FAAH2: variants seen among roughly 807,000 people sequenced by gnomAD.
FAAH2 encodes the protein fatty-acid amide hydrolase 2.
FAAH2 carries 60 observed loss-of-function variants against 36.9 expected under a neutral mutation model. That is an observed-to-expected ratio of 1.63 (90% CI 1.32 to 2.02). The LOEUF (loss-of-function observed/expected upper bound fraction) is 2.02, where lower values mean the gene tolerates loss of function less well. Among genes scored for constraint, FAAH2 ranks in the 30% most tolerant of loss-of-function variants. FAAH2 has a pLI of 0.00. For synonymous variants in FAAH2, 214 were observed against 143.8 expected (o/e 1.49, Z -3.49); for missense variants, 689 against 397.5 (o/e 1.73, Z -6.23).
At chrX:57,403,581 CT>C (rs775431216) in intron 7 of FAAH2, among the ~76,000 whole-genome samples, 1 of 112,771 alleles carries the variant, frequency 8.9e-6, no homozygotes, top group East Asian at 2.8e-4. Context: ...TGTGGGTAAC[CT>C]TTTGAGTCAG....
chrX:57,260,423 C>G, the FAAH2 span, among the ~76,000 whole-genome samples: 1 of 111,933 alleles, frequency 8.9e-6, no homozygotes, highest in Non-Finnish European at 1.9e-5. Context: ...TTAACTTGAA[C>G]TGAGTTATTG....
chrX:57,464,164 C>A lies in FAAH2; in HGVS notation c.1423+15446C>A, dbSNP rs55724040. 2.7e-5 allele frequency among the ~76,000 whole-genome samples: 3 copies of A among 111,679 alleles called. No homozygotes were observed. The Admixed American group carries it at 2.9e-4, about 11-fold the overall frequency. On this transcript the variant is annotated intron_variant, in intron 10 of 10. Transcript: ENST00000374900. Reference sequence around the variant, plus strand: ...AGCCAACTAACACAGGAACAGAAAACCAAACACTGCATGTTTTTACTCAAA... The same window carrying A: ...AGCCAACTAACACAGGAACAGAAAAACAAACACTGCATGTTTTTACTCAAA...
At chrX:57,123,825 C>T in the FAAH2 span, among the ~76,000 whole-genome samples, 1 of 111,928 alleles carries the variant, frequency 8.9e-6, no homozygotes, top group Admixed American at 9.4e-5. Context: ...CTGTTCATAT[C>T]CTTTGCCCAC....
chrX:57,183,909 A>G, the FAAH2 span, among the ~76,000 whole-genome samples: 3 of 110,576 alleles, frequency 2.7e-5, no homozygotes, highest in East Asian at 8.6e-4. Context: ...TTTTTTTCCT[A>G]GCAAGAAATA....
chrX:57,276,576 A>T, the FAAH2 span, among the ~76,000 whole-genome samples: 1 of 111,830 alleles, frequency 8.9e-6, no homozygotes, highest in Non-Finnish European at 1.9e-5. Context: ...CTAAGATCAG[A>T]GCAGAACTGA....
At chrX:57,303,970 G>A (rs2146859056) in intron 2 of FAAH2, among the ~76,000 whole-genome samples, 2 of 111,632 alleles carry the variant, frequency 1.8e-5, no homozygotes, top group African/African-American at 6.5e-5. Context: ...ACTTTGAGAG[G>A]CTGAGGCGGG....
the FAAH2 span, among the ~76,000 whole-genome samples, chrX:57,208,792 A>T: frequency 3.0e-3 from 340 of 112,019 alleles, no homozygotes; most frequent in African/African-American, 8.0e-3. Flanking sequence ...TAACAAAGGG[A>T]TGGGCTCTGG....
intron 3 of FAAH2, among the ~76,000 whole-genome samples, chrX:57,327,380 A>T (rs765474938): frequency 6.1e-4 from 67 of 110,375 alleles, no homozygotes; most frequent in South Asian, 1.2e-3. Context: ...GATCTGAATG[A>T]TGGCCTGCCT....
At chrX:57,301,638 ATAATAAAAG>A (rs2052375759) in intron 2 of FAAH2, among the ~76,000 whole-genome samples, 1 of 69,549 alleles carries the variant, frequency 1.4e-5, no homozygotes, top group East Asian at 5.0e-4. Flanking sequence ...AATAATAATA[ATAATAAAAG>A]AAATATCTTC....
chrX:57,378,383 A>T (rs2054742212), intron 5 of FAAH2, among the ~76,000 whole-genome samples: 1 of 111,091 alleles, frequency 9.0e-6, no homozygotes, highest in Non-Finnish European at 1.9e-5. Context: ...GAATAGCCTA[A>T]TAAGTAGGGA....
At chrX:57,294,796 T>A (rs2052083583) in intron 2 of FAAH2, among the ~76,000 whole-genome samples, 1 of 111,683 alleles carries the variant, frequency 9.0e-6, no homozygotes, top group Non-Finnish European at 1.9e-5. Flanking sequence ...TCAGTCTCTG[T>A]GAGATTTCTA....
At position 57,454,156 on chromosome X, in the gene FAAH2, C is replaced by T. The variant is rs755294391; in HGVS notation, c.1423+5438C>T. Among the ~76,000 whole-genome samples the T allele has an allele frequency of 9.8e-5, 11 of 111,995 alleles. No individual in the cohort carries two copies. The East Asian group carries it at 1.1e-3, about 12-fold the overall frequency. On this transcript the variant is annotated intron_variant, in intron 10 of 10. Coordinates refer to ENST00000374900, the MANE Select transcript of FAAH2 (RefSeq NM_174912.4). ...TAGGAAGAGCCTATCTGCCTGCTAG[C>T]ACTCTTAAGCGCCACCTGCTGGATC...
At chrX:57,453,656 C>G (rs766573101) in intron 10 of FAAH2, among the ~76,000 whole-genome samples, 1 of 111,916 alleles carries the variant, frequency 8.9e-6, no homozygotes, top group East Asian at 2.8e-4. Flanking sequence ...CCAGGAAATC[C>G]ATGTCTGATA....
At chrX:57,443,906 C>T (rs2056618441) in intron 8 of FAAH2, among the ~76,000 whole-genome samples, 1 of 112,117 alleles carries the variant, frequency 8.9e-6, no homozygotes, top group Admixed American at 9.5e-5. Flanking sequence ...TGGGTATCAC[C>T]AGCAGAGGCT....
At chrX:57,353,487 T>TAAAAAAAAAAAAAAAAAAAAAA (rs3035714) in intron 5 of FAAH2, among the ~76,000 whole-genome samples, 4 of 83,816 alleles carry the variant, frequency 4.8e-5, no homozygotes, top group Non-Finnish European at 6.9e-5. Context: ...CCCAAATTAT[T>TAAAAAAAAAAAAAAAAAAAAAA]AAAAAAAAAA....
chrX:57,329,867 C>T, intron 3 of FAAH2, among the ~76,000 whole-genome samples: 1 of 111,791 alleles, frequency 8.9e-6, no homozygotes, highest in African/African-American at 3.2e-5. Context: ...TTATGTCTGT[C>T]TTTACTGCAA....
chrX:57,193,099 T>C, the FAAH2 span, among the ~76,000 whole-genome samples: 1 of 112,174 alleles, frequency 8.9e-6, no homozygotes, highest in East Asian at 2.8e-4. Flanking sequence ...CACAGCCATA[T>C]TTCTCTTCTT....
chrX:57,485,382 C>A (rs1190846964), intron 10 of FAAH2, among the ~76,000 whole-genome samples: 2 of 110,970 alleles, frequency 1.8e-5, no homozygotes, highest in Non-Finnish European at 3.8e-5. Flanking sequence ...GGGGAAGGTG[C>A]ACTGGTGACC....
the FAAH2 span, among the ~76,000 whole-genome samples, chrX:57,128,023 G>T: frequency 9.0e-6 from 1 of 111,424 alleles, no homozygotes. Context: ...AAAAGTTCTG[G>T]TATTGATAGA....
Sources: gnomAD v4.1 joint callset for allele counts (sites outside exome capture counted in the v4.1 genomes callset) on GRCh38, gnomAD v4.1.1 for gene constraint, MANE v1.5 for transcripts, NCBI Gene and HGNC (gene_info 2026-07-23, HGNC 2026-07-21) for gene names.